The following DNAAF11 variants were observed in gnomAD, a reference collection of about 807,000 sequenced individuals.
DNAAF11 encodes the protein leucine rich repeat containing 6.
DNAAF11 carries 45 observed loss-of-function variants against 60.8 expected under a neutral mutation model. The observed-to-expected ratio is 0.74, with a 90% CI of 0.58 to 0.95. DNAAF11 has a LOEUF of 0.95. DNAAF11 is among the 40% of genes least tolerant of loss of function. The pLI is 0.00. For missense variants in DNAAF11, 546 were observed against 546.2 expected, an observed-to-expected ratio of 1.00 and a Z score of 0.00; for synonymous variants, 191 against 183.5, an observed-to-expected ratio of 1.04 and a Z score of -0.33.
intron 10 of DNAAF11, among the ~76,000 whole-genome samples, chr8:132,584,889 C>T (rs1036886354): frequency 1.3e-5 from 2 of 152,294 alleles, no homozygotes; most frequent in East Asian, 3.9e-4. Context: ...CTGGCTCAGG[C>T]ATGTGTCTCG....
chr8:132,656,691 C>T (rs1460806701), intron 3 of DNAAF11, 139 bp downstream of exon 3: 14 of 487,846 alleles, frequency 2.9e-5, no homozygotes, highest in South Asian at 2.4e-4. Flanking sequence ...AGGCTGGTCT[C>T]GAACTCCTGA....
At chr8:132,669,668 A>G (rs549712507) in intron 1 of DNAAF11, among the ~76,000 whole-genome samples, 2 of 152,168 alleles carry the variant, frequency 1.3e-5, no homozygotes, top group Non-Finnish European at 1.5e-5. Context: ...ACTTCATCAT[A>G]AGATTAGCAG....
intron 3 of DNAAF11, among the ~76,000 whole-genome samples, chr8:132,639,295 G>C (rs1586659108): frequency 6.6e-6 from 1 of 152,104 alleles, no homozygotes; most frequent in South Asian, 2.1e-4. Flanking sequence ...CCCTATGACT[G>C]CCTCATGCCT....
In DNAAF11 at chr8:132,589,857, G is replaced by T. The variant is rs558595808; in HGVS notation, c.1141-6078C>A. Among the ~76,000 whole-genome samples, 31 of 152,288 alleles carry T rather than the reference G, an allele frequency of 2.0e-4. No homozygotes were observed. In the South Asian group the frequency reaches 6.2e-3, roughly 31 times the overall value. On this transcript the variant is annotated intron_variant, in intron 10 of 11. Transcript: ENST00000620350. ...TAGATCCTCTTAAAAGGGGTCATTT[G>T]CATGAAATACAATCCATTATCCACA... is the stretch of plus-strand genomic sequence containing the variant.
intron 10 of DNAAF11, among the ~76,000 whole-genome samples, chr8:132,588,837 G>A (rs562509246): frequency 5.3e-5 from 8 of 152,248 alleles, no homozygotes; most frequent in African/African-American, 1.7e-4. Context: ...ATGGCAGAAG[G>A]TGAAGGGGAA....
chr8:132,610,295 G>A (rs1374185379), intron 9 of DNAAF11, 34 bp from the exon 10 acceptor site: 4 of 1,425,302 alleles, frequency 2.8e-6, no homozygotes, highest in South Asian at 2.3e-5. Context: ...ATCATTGAGA[G>A]CAAGGACGTT....
At chr8:132,676,153 C>T (rs1445403630), upstream of DNAAF11, among the ~76,000 whole-genome samples, 3 of 152,170 alleles carry the variant, frequency 2.0e-5, no homozygotes, top group Non-Finnish European at 4.4e-5. Flanking sequence ...TTTCCAGAAA[C>T]GCCACCCATT....
chr8:132,626,025 G>C (rs1021323359), intron 5 of DNAAF11, among the ~76,000 whole-genome samples: 2 of 151,786 alleles, frequency 1.3e-5, no homozygotes, highest in African/African-American at 4.8e-5. Flanking sequence ...TCCAAAATTC[G>C]CTTGTGGGAC....
At chr8:132,673,508 A>C (rs1825388253) in intron 1 of DNAAF11, among the ~76,000 whole-genome samples, 1 of 152,034 alleles carries the variant, frequency 6.6e-6, no homozygotes. Flanking sequence ...TCTTTTGATA[A>C]ATTTCTAAAT....
intron 8 of DNAAF11, among the ~76,000 whole-genome samples, chr8:132,614,827 A>C (rs1352466860): frequency 6.6e-6 from 1 of 152,232 alleles, no homozygotes; most frequent in Non-Finnish European, 1.5e-5. Flanking sequence ...GATATTCCTG[A>C]GTTCATATCC....
At chr8:132,611,269 TA>T in intron 9 of DNAAF11, 24 bp downstream of exon 9, 1 of 1,549,804 alleles carries the variant, frequency 6.5e-7, no homozygotes, top group Non-Finnish European at 8.9e-7. Context: ...TTTGAAATTG[TA>T]ATAGCCTACA....
intron 3 of DNAAF11, among the ~76,000 whole-genome samples, chr8:132,649,856 C>T (rs1822819884): frequency 6.6e-6 from 1 of 152,080 alleles, no homozygotes; most frequent in Admixed American, 6.6e-5. Context: ...ATCATTAAAA[C>T]ATCAAGAAAC....
chr8:132,600,385 C>T lies in DNAAF11; in HGVS notation c.1140+9781G>A, dbSNP rs1817485020. Among the ~76,000 whole-genome samples the T allele has an allele frequency of 2.6e-5, 4 of 152,286 alleles. No homozygotes were observed. The South Asian group carries it at 6.2e-4, about 24-fold the overall frequency. ...TAGATTCAATGCCATCCCCATCAAG[C>T]TACCAATGACTTTCTTCACAGAATT... On this transcript the variant is annotated intron_variant, in intron 10 of 11. Transcript: ENST00000620350.
chr8:132,613,063 C>T (rs755984648), intron 8 of DNAAF11, among the ~76,000 whole-genome samples: 21 of 152,148 alleles, frequency 1.4e-4, no homozygotes, highest in Non-Finnish European at 2.1e-4. Context: ...ACAGTAGAAA[C>T]GGCAGCTTGG....
In DNAAF11 at chr8:132,605,741, G is replaced by A. The variant is rs531570251; in HGVS notation, c.1140+4425C>T. 5.3e-5 allele frequency among the ~76,000 whole-genome samples: 8 copies of A among 152,310 alleles called. No individual in the cohort carries two copies. The East Asian group carries it at 1.3e-3, about 26-fold the overall frequency. ...GATGTTTTGTAAATATGGGTATCAG[G>A]AAGGGCCTCAGTGATATAATGACAC... On this transcript the variant is annotated intron_variant, in intron 10 of 11. Transcript: ENST00000620350.
intron 3 of DNAAF11, among the ~76,000 whole-genome samples, chr8:132,654,687 GA>G (rs908023514): frequency 5.0e-5 from 7 of 140,572 alleles, no homozygotes; most frequent in Admixed American, 3.5e-4. Flanking sequence ...ATAGGTTAAA[GA>G]AAAAAATTGC....
At chr8:132,659,319 C>G (rs1823896766) in intron 2 of DNAAF11, among the ~76,000 whole-genome samples, 1 of 152,170 alleles carries the variant, frequency 6.6e-6, no homozygotes, top group Admixed American at 6.5e-5. Context: ...GTTTTACTTG[C>G]TAAATAAGTG....
intron 3 of DNAAF11, 109 bp downstream of exon 3, chr8:132,656,721 C>T (rs1043288640): frequency 2.4e-5 from 13 of 545,178 alleles, no homozygotes; most frequent in Middle Eastern, 4.8e-4. Context: ...ATCTGCCCGC[C>T]TTGGCCTCCC....
intron 10 of DNAAF11, among the ~76,000 whole-genome samples, chr8:132,584,734 A>C (rs1345040410): frequency 6.6e-6 from 1 of 152,042 alleles, no homozygotes; most frequent in Admixed American, 6.6e-5. Context: ...GGGCAGGGTC[A>C]TTATCTCAAG....
Sources: gnomAD v4.1 joint callset for allele counts (sites outside exome capture counted in the v4.1 genomes callset) on GRCh38, gnomAD v4.1.1 for gene constraint, MANE v1.5 for transcripts, NCBI Gene and HGNC (gene_info 2026-07-23, HGNC 2026-07-21) for gene names.